Variants in DOCK3 observed in about 807,000 individuals in gnomAD.
DOCK3 encodes dedicator of cytokinesis 3, also known as dedicator of cytokinesis protein 3.
A neutral mutation model predicts 265.6 loss-of-function variants in DOCK3; 60 were observed. That is an observed-to-expected ratio of 0.23 (90% confidence interval 0.18 to 0.28). The LOEUF (loss-of-function observed/expected upper bound fraction) is 0.28, where lower values mean the gene tolerates loss of function less well. DOCK3 is among the 10% of genes least tolerant of loss of function. DOCK3 has a pLI of 1.00. For missense variants in DOCK3, 1,981 were observed against 2,594.3 expected, an observed-to-expected ratio of 0.76 and a Z score of 5.14; for synonymous variants, 881 against 938.0, an observed-to-expected ratio of 0.94 and a Z score of 1.11.
intron 1 of DOCK3, among the ~76,000 whole-genome samples, chr3:50,708,022 G>A (rs966785259): frequency 6.6e-6 from 1 of 151,642 alleles, no homozygotes; most frequent in Non-Finnish European, 1.5e-5. Flanking sequence ...CCACATGTGA[G>A]TTGCTAGTGG....
intron 9 of DOCK3, among the ~76,000 whole-genome samples, chr3:51,109,006 G>C (rs2083402564): frequency 6.6e-6 from 1 of 151,944 alleles, no homozygotes; most frequent in Admixed American, 6.6e-5. Context: ...TGCAGGACCT[G>C]AACTCAACAC....
At chr3:50,694,138 C>T (rs911635519) in intron 1 of DOCK3, among the ~76,000 whole-genome samples, 15 of 152,038 alleles carry the variant, frequency 9.9e-5, no homozygotes, top group East Asian at 2.0e-4. Flanking sequence ...GGCGTGGTGG[C>T]GGGCGCCTGT....
chr3:50,971,174 T>C (rs1271298969), intron 5 of DOCK3, among the ~76,000 whole-genome samples: 1 of 151,240 alleles, frequency 6.6e-6, no homozygotes, highest in Non-Finnish European at 1.5e-5. Context: ...TTATCTGGTA[T>C]TTCAAAGATT....
At chr3:50,788,154 C>A in intron 2 of DOCK3, 1 of 760,158 alleles carries the variant, frequency 1.3e-6, no homozygotes, top group South Asian at 2.1e-5. Context: ...GTGGACAGGT[C>A]AAGTTCCTTG....
Position 51,277,666 on chromosome 3 carries a change from T to C in DOCK3, c.2735T>C (p.Leu912Ser). ...MMVESLLDVL[L>S]QTLLTIMSKS... ...GTGGAGAGCCTCCTGGACGTGCTCTTGCAGACTCTGCTCACCATCATGAGC... is the reference window on the plus strand; with the variant it reads ...GTGGAGAGCCTCCTGGACGTGCTCTCGCAGACTCTGCTCACCATCATGAGC... Residue 912 changes from leucine to serine, a missense_variant, in exon 26 of 53, where the codon TTG becomes TCG. Physicochemically the swap from Leu to Ser is moderately radical, Grantham distance 145. This residue lies in a region of DOCK3 where 1,357 missense variants were observed against 1,866.8 expected (regional missense o/e 0.73). Coordinates refer to ENST00000266037, the MANE Select transcript of DOCK3 (RefSeq NM_004947.5). 10 of 1,604,596 alleles carry C rather than the reference T, an allele frequency of 6.2e-6. No homozygotes were observed. Among genetic ancestry groups the C allele is most frequent in the Non-Finnish European group, 8.5e-6 (10 of 1,175,736 alleles).
Position 51,381,558 on chromosome 3 carries a change from G to T in DOCK3, c.6092G>T (p.Ter2031LeuextTer12). The T allele has an allele frequency of 6.6e-7, 1 of 1,506,956 alleles. No homozygotes were observed. The highest frequency in any genetic ancestry group is 1.3e-5 in the South Asian group (1 of 75,164). 93.3% of individuals were successfully genotyped at this position (1,506,956 alleles called of 1,614,324 possible). The change falls in exon 53 of 53, where the codon TGA becomes TTA. Residue 2031 changes from the stop codon to leucine (L), a stop_lost. Transcript: ENST00000266037. The surrounding 1 kb of genome is among the most constrained non-coding windows in gnomAD (Gnocchi z 5.6). ...TGGGAGCACGGCCGAGGGGAGCAGTGAGGGGCAACGAGGCGGCTGGGATGC... is the reference window on the plus strand; with the variant it reads ...TGGGAGCACGGCCGAGGGGAGCAGTTAGGGGCAACGAGGCGGCTGGGATGC... The part of the protein sequence containing the change: ...MAWEHGRGEQ[*>L]
chr3:50,918,722 C>G (rs1412107123), intron 4 of DOCK3, among the ~76,000 whole-genome samples: 1 of 152,178 alleles, frequency 6.6e-6, no homozygotes, highest in Non-Finnish European at 1.5e-5. Context: ...CCTGTTCACT[C>G]TGATGGTAGT....
chr3:51,071,465 G>T (rs772211537), intron 6 of DOCK3, among the ~76,000 whole-genome samples: 10 of 152,088 alleles, frequency 6.6e-5, no homozygotes, highest in Non-Finnish European at 1.3e-4. Flanking sequence ...TGTTTAAAGA[G>T]TTTTTTATCC....
chr3:50,900,111 C>A (rs1213571997), intron 4 of DOCK3, among the ~76,000 whole-genome samples: 1 of 152,166 alleles, frequency 6.6e-6, no homozygotes, highest in East Asian at 1.9e-4. Context: ...TTCAGGTACA[C>A]CAATCAAATG....
intron 4 of DOCK3, among the ~76,000 whole-genome samples, chr3:50,904,011 G>A (rs2049340504): frequency 6.6e-6 from 1 of 152,008 alleles, no homozygotes; most frequent in Non-Finnish European, 1.5e-5. Flanking sequence ...GAGAACATGT[G>A]GTGTTTGGTT....
In DOCK3 at chr3:50,675,304, G is replaced by A; in HGVS notation, c.37+4G>A. 1 of 1,272,108 alleles carries A rather than the reference G, an allele frequency of 7.9e-7. No individual in the cohort carries two copies. The highest frequency in any genetic ancestry group is 1.0e-6 in the Non-Finnish European group (1 of 994,652). 78.8% of individuals were successfully genotyped at this position (1,272,108 alleles called of 1,614,324 possible). ...GAGGAGGAGAAATACGGCGTAGGTA[G>A]GTGAGGCTCAGGCCTGGCCGTGGCG... is the stretch of plus-strand genomic sequence containing the variant. On this transcript the variant is annotated splice_donor_region_variant and intron_variant, in intron 1 of 52. Transcript: ENST00000266037. This position sits in a 1 kb window ranked among gnomAD's most constrained non-coding sequence, Gnocchi z 6.1.
chr3:51,337,903 A>G (rs1207458310), intron 35 of DOCK3, among the ~76,000 whole-genome samples: 1 of 152,204 alleles, frequency 6.6e-6, no homozygotes, highest in African/African-American at 2.4e-5. Context: ...AATGTCAACT[A>G]GGTGGTGAAC....
intron 12 of DOCK3, among the ~76,000 whole-genome samples, chr3:51,202,153 G>A (rs1293211315): frequency 2.4e-5 from 1 of 41,864 alleles, no homozygotes; most frequent in Non-Finnish European, 4.4e-5. Flanking sequence ...GCTAGCAGAA[G>A]GCAAGAAATA....
At chr3:51,019,395 T>C (rs962258960) in intron 5 of DOCK3, among the ~76,000 whole-genome samples, 1 of 151,950 alleles carries the variant, frequency 6.6e-6, no homozygotes. Context: ...ATAAACCTAG[T>C]GACTGTATAT....
rs2081647451 is a variant in DOCK3 at position 51,067,525 on chromosome 3, C to CCCTCCCCACTTCCCTTCT, written c.464+2932_464+2949dup. Among the ~76,000 whole-genome samples the CCCTCCCCACTTCCCTTCT allele has an allele frequency of 2.0e-5, 3 of 148,668 alleles. No homozygotes were observed. In the South Asian group the frequency reaches 6.5e-4, roughly 32 times the overall value. The stretch of plus-strand genomic sequence containing the variant: ...AAAAATGAAAAACACAGTTCCATTC[C>CCCTCCCCACTTCCCTTCT]CCTCCCCACTTCCCTTCTCCCTCTT... On this transcript the variant is annotated intron_variant, in intron 6 of 52. Coordinates refer to ENST00000266037, the MANE Select transcript of DOCK3 (RefSeq NM_004947.5).
At chr3:51,095,102 A>C (rs1262483704) in intron 9 of DOCK3, among the ~76,000 whole-genome samples, 3 of 149,028 alleles carry the variant, frequency 2.0e-5, no homozygotes, top group Non-Finnish European at 4.5e-5. Flanking sequence ...CTGGGTCTTG[A>C]CTCTTTATCC....
intron 22 of DOCK3, among the ~76,000 whole-genome samples, chr3:51,248,525 C>T (rs1028353426): frequency 1.8e-4 from 27 of 152,128 alleles, no homozygotes; most frequent in African/African-American, 6.0e-4. Context: ...AGTGCAGTGG[C>T]GTGATCTCGG....
chr3:51,248,723 G>A (rs889578543), intron 22 of DOCK3, among the ~76,000 whole-genome samples: 3 of 151,670 alleles, frequency 2.0e-5, no homozygotes, highest in Non-Finnish European at 4.4e-5. Flanking sequence ...TCTCCGCCCG[G>A]CCGCCATCCC....
At chr3:51,039,344 A>G (rs2080392249) in intron 5 of DOCK3, among the ~76,000 whole-genome samples, 1 of 152,082 alleles carries the variant, frequency 6.6e-6, no homozygotes. Flanking sequence ...TGCTAGGATA[A>G]AAAGTTCTGA....
Sources: gnomAD v4.1 joint callset for allele counts (sites outside exome capture counted in the v4.1 genomes callset) on GRCh38, gnomAD v4.1.1 for gene constraint, gnomAD v4.1.1 regional missense constraint, Gnocchi (gnomAD v3.1) non-coding constraint, MANE v1.5 for transcripts, NCBI Gene and HGNC (gene_info 2026-07-23, HGNC 2026-07-21) for gene names.